PIP5K1B: variants seen among roughly 807,000 people sequenced by gnomAD.
PIP5K1B encodes the protein phosphatidylinositol 4-phosphate 5-kinase type-1 beta.
PIP5K1B carries 42 observed loss-of-function variants against 67.0 expected under a neutral mutation model. That is an observed-to-expected ratio of 0.63 (90% CI 0.49 to 0.81). The LOEUF (loss-of-function observed/expected upper bound fraction) is 0.81, where lower values mean the gene tolerates loss of function less well. PIP5K1B is among the 30% of genes least tolerant of loss of function. PIP5K1B has a pLI of 0.00. For missense variants in PIP5K1B, 459 were observed against 646.3 expected (o/e 0.71, Z 3.14); for synonymous variants, 214 against 231.4 (o/e 0.92, Z 0.68).
chr9:68,739,458 TGACAAA>T (rs1309030984), intron 1 of PIP5K1B, among the ~76,000 whole-genome samples: 4 of 152,234 alleles, frequency 2.6e-5, no homozygotes, highest in African/African-American at 9.6e-5. Context: ...TTATTTTGAC[TGACAAA>T]GACAAGAGGC....
intron 6 of PIP5K1B, among the ~76,000 whole-genome samples, chr9:68,884,700 G>A (rs1824378092): frequency 6.7e-6 from 1 of 149,418 alleles, no homozygotes; most frequent in Admixed American, 6.6e-5. Context: ...CAGATGGCCA[G>A]TAGATACATT....
chr9:68,757,038 C>T (rs1829961191), intron 2 of PIP5K1B, among the ~76,000 whole-genome samples: 1 of 152,152 alleles, frequency 6.6e-6, no homozygotes, highest in Non-Finnish European at 1.5e-5. Flanking sequence ...AATACTTAAT[C>T]TGCATTTAGA....
chr9:68,785,436 A>G (rs1254106213), intron 2 of PIP5K1B, among the ~76,000 whole-genome samples: 1 of 152,232 alleles, frequency 6.6e-6, no homozygotes, highest in African/African-American at 2.4e-5. Context: ...AAATTGTGTC[A>G]GATTGCTCAC....
At chr9:68,993,638 A>T (rs1830476244) in intron 15 of PIP5K1B, among the ~76,000 whole-genome samples, 1 of 152,198 alleles carries the variant, frequency 6.6e-6, no homozygotes, top group Admixed American at 6.5e-5. Flanking sequence ...AAAATGGGGA[A>T]TTAAATAGGG....
chr9:68,894,396 C>T lies in PIP5K1B; in HGVS notation c.529C>T (p.Gln177Ter). ...AAAATTTTACGGACTGTATTGTATG[C>T]AATCAGGAGGCATTAATATCAGGAT... is the stretch of plus-strand genomic sequence containing the variant. ...LPKFYGLYCM[Q>*]SGGINIRIVV... The change falls in exon 8 of 16, where the codon CAA (glutamine) becomes TAA (stop). Residue 177 changes from glutamine (Q) to a stop codon, truncating the protein, a stop_gained. Coordinates refer to ENST00000265382, the MANE Select transcript of PIP5K1B (RefSeq NM_003558.4). LOFTEE classifies it high-confidence loss of function. The T allele has an allele frequency of 6.2e-7, 1 of 1,613,706 alleles. No homozygotes were observed. The highest frequency in any genetic ancestry group is 8.5e-7 in the Non-Finnish European group (1 of 1,179,686).
intron 14 of PIP5K1B, among the ~76,000 whole-genome samples, chr9:68,948,759 A>C (rs1827921815): frequency 6.6e-6 from 1 of 151,356 alleles, no homozygotes; most frequent in African/African-American, 2.4e-5. Context: ...ACATCACATT[A>C]GTCTGCACCT....
chr9:68,764,488 G>A (rs1830337754), intron 2 of PIP5K1B, among the ~76,000 whole-genome samples: 1 of 151,992 alleles, frequency 6.6e-6, no homozygotes, highest in Non-Finnish European at 1.5e-5. Flanking sequence ...GTCTCATGAA[G>A]TTGCTATATT....
At chr9:68,771,833 C>G (rs953508847) in intron 2 of PIP5K1B, among the ~76,000 whole-genome samples, 1 of 152,168 alleles carries the variant, frequency 6.6e-6, no homozygotes, top group Non-Finnish European at 1.5e-5. Context: ...TGGCTGAGCT[C>G]TGTGGATGAT....
At chr9:68,836,273 A>T (rs949210566) in intron 4 of PIP5K1B, among the ~76,000 whole-genome samples, 9 of 152,184 alleles carry the variant, frequency 5.9e-5, no homozygotes, top group African/African-American at 2.2e-4. Context: ...CTGTTCTCCC[A>T]TTCCTGACCC....
At chr9:68,718,192 TAA>T (rs1377180329) in intron 1 of PIP5K1B, among the ~76,000 whole-genome samples, 1 of 152,166 alleles carries the variant, frequency 6.6e-6, no homozygotes, top group African/African-American at 2.4e-5. Context: ...GAAGGCATAG[TAA>T]AACTTGGAGA....
chr9:68,950,983 C>T (rs896456857), intron 14 of PIP5K1B, among the ~76,000 whole-genome samples: 19 of 152,206 alleles, frequency 1.2e-4, no homozygotes, highest in Admixed American at 2.6e-4. Flanking sequence ...ACAGACCAAA[C>T]GCCTCTACCA....
Position 68,991,258 on chromosome 9 carries a change from G to C in PIP5K1B, c.1620+1G>C, listed in dbSNP as rs1183844146. 1.3e-6 allele frequency: 2 copies of C among 1,554,072 alleles called. No homozygotes were observed. The highest frequency in any genetic ancestry group is 2.2e-5 in the East Asian group (1 of 44,606). Reference sequence around the variant, plus strand: ...TGCTTCTGTGCTTGACGTCTATTTAGTAAGTAATTTTTTAGTTTCCTCTCC... The same window carrying C: ...TGCTTCTGTGCTTGACGTCTATTTACTAAGTAATTTTTTAGTTTCCTCTCC... On this transcript the variant is annotated splice_donor_variant, in intron 15 of 15. Coordinates refer to ENST00000265382, the MANE Select transcript of PIP5K1B (RefSeq NM_003558.4). LOFTEE classifies it high-confidence loss of function.
chr9:68,857,130 T>G (rs1822818275), intron 4 of PIP5K1B, among the ~76,000 whole-genome samples: 1 of 152,188 alleles, frequency 6.6e-6, no homozygotes, highest in African/African-American at 2.4e-5. Context: ...CTCTAGGAAC[T>G]GATTCCCCAC....
At chr9:68,830,027 T>C (rs949040103) in intron 4 of PIP5K1B, among the ~76,000 whole-genome samples, 18 of 152,008 alleles carry the variant, frequency 1.2e-4, no homozygotes, top group Admixed American at 3.3e-4. Flanking sequence ...GCTGTATGCG[T>C]CCCAACAGCA....
chr9:68,797,317 A>G (rs529261407), intron 2 of PIP5K1B, among the ~76,000 whole-genome samples: 1 of 152,362 alleles, frequency 6.6e-6, no homozygotes, highest in South Asian at 2.1e-4. Flanking sequence ...GCAGGTTAAT[A>G]AGTGGATAGG....
intron 1 of PIP5K1B, among the ~76,000 whole-genome samples, chr9:68,714,682 T>G (rs1356641060): frequency 6.6e-6 from 1 of 152,164 alleles, no homozygotes; most frequent in East Asian, 1.9e-4. Flanking sequence ...TTGGACAGCC[T>G]CTGAGGACTT....
At chr9:68,916,381 C>G (rs1208216585) in intron 8 of PIP5K1B, among the ~76,000 whole-genome samples, 1 of 152,226 alleles carries the variant, frequency 6.6e-6, no homozygotes, top group African/African-American at 2.4e-5. Flanking sequence ...TCTCAACAGA[C>G]TCGGACCCAG....
chr9:68,890,445 A>G (rs1824728191), intron 7 of PIP5K1B, among the ~76,000 whole-genome samples: 1 of 152,212 alleles, frequency 6.6e-6, no homozygotes, highest in African/African-American at 2.4e-5. Flanking sequence ...ATCACTTGCT[A>G]TGAGTGGTGA....
intron 1 of PIP5K1B, among the ~76,000 whole-genome samples, chr9:68,706,993 T>C (rs1254974105): frequency 6.6e-6 from 1 of 152,148 alleles, no homozygotes; most frequent in Non-Finnish European, 1.5e-5. Context: ...AGTAGGGTAG[T>C]GTTCATGGAA....
Sources: allele counts gnomAD v4.1 joint callset (sites outside exome capture counted in the v4.1 genomes callset), GRCh38; gene constraint gnomAD v4.1.1; transcripts MANE v1.5; gene names NCBI Gene and HGNC (gene_info 2026-07-23, HGNC 2026-07-21).